Variants in MDN1 observed in about 807,000 individuals in gnomAD.
MDN1 encodes the protein midasin AAA ATPase 1.
MDN1 carries 266 observed loss-of-function variants against 669.2 expected under a neutral mutation model. That is an observed-to-expected ratio of 0.40 (90% CI 0.36 to 0.44). The LOEUF is 0.44. MDN1 is among the 20% of genes least tolerant of loss of function. The probability of loss-of-function intolerance (pLI) is 1.00; values close to 1 mark genes in which losing one functional copy is unlikely to be tolerated. For missense variants in MDN1, 5,940 were observed against 6,754.0 expected, an observed-to-expected ratio of 0.88 and a Z score of 4.22; for synonymous variants, 2,385 against 2,457.1, an observed-to-expected ratio of 0.97 and a Z score of 0.87.
At chr6:89,724,264 T>C (rs2128313930) in intron 38 of MDN1, among the ~76,000 whole-genome samples, 1 of 152,346 alleles carries the variant, frequency 6.6e-6, no homozygotes, top group East Asian at 1.9e-4. Context: ...TTTCCATATG[T>C]TTGAAAGTTT....
intron 21 of MDN1, among the ~76,000 whole-genome samples, chr6:89,753,854 G>A (rs779354486): frequency 1.3e-5 from 2 of 152,008 alleles, no homozygotes; most frequent in Non-Finnish European, 2.9e-5. Flanking sequence ...TTCGAGACCA[G>A]AGTGGGAACA....
chr6:89,812,065 A>G (rs1228040491), intron 1 of MDN1, among the ~76,000 whole-genome samples: 5 of 150,930 alleles, frequency 3.3e-5, no homozygotes, highest in Non-Finnish European at 5.9e-5. Context: ...CGGTTCATGC[A>G]ACCTCCGCCT....
intron 22 of MDN1, 102 bp from the exon 23 acceptor site, chr6:89,751,684 T>C: frequency 1.6e-6 from 2 of 1,223,850 alleles, no homozygotes; most frequent in Non-Finnish European, 2.3e-6. Flanking sequence ...GCTGTCTTGT[T>C]CTGCATACTT....
At chr6:89,664,745 A>C (rs1433311062) in intron 84 of MDN1, 117 bp from the exon 85 acceptor site, 1 of 777,984 alleles carries the variant, frequency 1.3e-6, no homozygotes, top group Non-Finnish European at 2.0e-6. Flanking sequence ...GGAAAAAAAA[A>C]GAGAAACAAC....
chr6:89,771,582 T>A lies in MDN1; in HGVS notation c.2123A>T (p.Asp708Val). 6.2e-7 allele frequency: 1 copy of A among 1,614,042 alleles called. No homozygotes were observed. The highest frequency in any genetic ancestry group is 1.1e-5 in the South Asian group (1 of 91,036). ...LRVVNMNQQS[D>V]TADLLGGYKP... The stretch of plus-strand genomic sequence containing the variant: ...TTACCCTCCAAGCAAGTCTGCAGTA[T>A]CACTTTGTTGATTCATATTGACAAC... Residue 708 changes from aspartate to valine, a missense_variant, in exon 15 of 102, where the codon GAT (aspartate) becomes GTT (valine). By Grantham distance (152) the Asp-to-Val change is radical. Coordinates refer to ENST00000369393, the MANE Select transcript of MDN1 (RefSeq NM_014611.3).
At chr6:89,661,753 T>G (rs898777419) in intron 87 of MDN1, among the ~76,000 whole-genome samples, 175 bp from the exon 88 acceptor site, 1 of 152,214 alleles carries the variant, frequency 6.6e-6, no homozygotes, top group East Asian at 1.9e-4. Flanking sequence ...TGTTGGAATC[T>G]CAGATTTCAC....
At chr6:89,774,348 G>C (rs1031519609) in intron 13 of MDN1, among the ~76,000 whole-genome samples, 1 of 152,162 alleles carries the variant, frequency 6.6e-6, no homozygotes, top group South Asian at 2.1e-4. Context: ...ACTTCCAACT[G>C]AGGCATACTT....
chr6:89,645,285 A>G, intron 100 of MDN1, 128 bp from the exon 101 acceptor site: 1 of 999,442 alleles, frequency 1.0e-6, no homozygotes, highest in East Asian at 2.5e-5. Context: ...AGACCTCTAA[A>G]GCTGATGAAT....
At chr6:89,787,730 A>T (rs1253453059) in intron 8 of MDN1, 124 bp downstream of exon 8, 6 of 640,644 alleles carry the variant, frequency 9.4e-6, no homozygotes, top group Non-Finnish European at 1.3e-5. Context: ...TAGACCTGTT[A>T]TCACTTCCAA....
Position 89,771,731 on chromosome 6 carries a change from C to G in MDN1, c.2084-110G>C, listed in dbSNP as rs1035806370. The G allele has an allele frequency of 5.2e-6, 5 of 953,608 alleles. No individual in the cohort carries two copies. In the African/African-American group the frequency reaches 8.3e-5, roughly 16 times the overall value. 59.1% of individuals were successfully genotyped at this position (953,608 alleles called of 1,614,324 possible). Reference sequence around the variant, plus strand: ...TGGCATAGGGCTTTATTTTTTGAGACAGAGTCTTGTTCTGTCAACCAGGGT... The same window carrying G: ...TGGCATAGGGCTTTATTTTTTGAGAGAGAGTCTTGTTCTGTCAACCAGGGT... On this transcript the variant is annotated intron_variant, in intron 14 of 101. Coordinates refer to ENST00000369393, the MANE Select transcript of MDN1 (RefSeq NM_014611.3).
chr6:89,784,926 G>T, intron 9 of MDN1, 86 bp downstream of exon 9: 1 of 847,690 alleles, frequency 1.2e-6, no homozygotes, highest in Non-Finnish European at 1.9e-6. Context: ...GTTGATGAGG[G>T]TTCTGGTGGT....
At chr6:89,701,492 A>G in intron 55 of MDN1, 66 bp downstream of exon 55, 21 of 1,579,332 alleles carry the variant, frequency 1.3e-5, no homozygotes, top group Non-Finnish European at 1.7e-5. Context: ...TCAGTTCCCA[A>G]GTTCCAAAAG....
chr6:89,728,898 TA>T (rs745996337), intron 36 of MDN1, 32 bp downstream of exon 36: 1 of 1,580,622 alleles, frequency 6.3e-7, no homozygotes, highest in East Asian at 2.2e-5. Flanking sequence ...TATCTATAGC[TA>T]TCTCCATCAG....
Position 89,692,659 on chromosome 6 carries a change from G to A in MDN1, c.10371C>T (p.Asp3457=), listed in dbSNP as rs756631599. The change falls in exon 63 of 102, where the codon GAC becomes GAT. Residue 3457 remains aspartate, a synonymous_variant. Transcript: ENST00000369393. ...PTFPTYYAHA[D]TLCSVKSEEV... is the part of the protein sequence containing the mutation. ...CCTCAGACTTCACCGAGCACAAAGT[G>A]TCTGCATGAGCATAGTAAGTCGGGA... 5.6e-6 allele frequency: 9 copies of A among 1,614,234 alleles called. No homozygotes were observed. In the South Asian group the frequency reaches 7.7e-5, roughly 14 times the overall value.
rs770010210 is a variant in MDN1 at position 89,678,646 on chromosome 6, T to C, written c.12365A>G (p.Gln4122Arg). The change falls in exon 75 of 102, where the codon CAA becomes CGA. Residue 4122 changes from glutamine to arginine, a missense_variant. Physicochemically the swap from Gln to Arg is conservative, Grantham distance 43. Coordinates refer to ENST00000369393, the MANE Select transcript of MDN1 (RefSeq NM_014611.3). ...QRSEAKHILM[Q>R]KQRALSDLFK... The stretch of plus-strand genomic sequence containing the variant: ...GAGGTCTGACAAAGCTCGCTGTTTT[T>C]GCATGAGAATGTGCTTGGCTTCTGA... The C allele has an allele frequency of 6.2e-7, 1 of 1,614,196 alleles. No individual in the cohort carries two copies. Among genetic ancestry groups the C allele is most frequent in the South Asian group, 1.1e-5 (1 of 91,080 alleles).
intron 55 of MDN1, among the ~76,000 whole-genome samples, chr6:89,701,307 G>C (rs1428942505): frequency 6.6e-6 from 1 of 152,166 alleles, no homozygotes; most frequent in African/African-American, 2.4e-5. Context: ...AAGTAATTTA[G>C]AGATGATATA....
chr6:89,683,128 G>A lies in MDN1; in HGVS notation c.12102+4C>T. The A allele has an allele frequency of 6.2e-7, 1 of 1,613,904 alleles. No homozygotes were observed. Among genetic ancestry groups the A allele is most frequent in the Non-Finnish European group, 8.5e-7 (1 of 1,179,960 alleles). On this transcript the variant is annotated splice_donor_region_variant and intron_variant, in intron 73 of 101. Coordinates refer to ENST00000369393, the MANE Select transcript of MDN1 (RefSeq NM_014611.3). ...TAAGCCAGCACTGTCCCACAACCAAGTACCTGCCCAGCTGCTGGTTGGGCT... is the reference window on the plus strand; with the variant it reads ...TAAGCCAGCACTGTCCCACAACCAAATACCTGCCCAGCTGCTGGTTGGGCT...
intron 1 of MDN1, among the ~76,000 whole-genome samples, chr6:89,818,909 T>A (rs904668733): frequency 6.6e-6 from 1 of 152,172 alleles, no homozygotes; most frequent in Non-Finnish European, 1.5e-5. Context: ...ATTAACCTTA[T>A]AATTTGTATA....
Position 89,650,069 on chromosome 6 carries a change from C to T in MDN1, c.16161G>A (p.Leu5387=). The T allele has an allele frequency of 6.2e-7, 1 of 1,614,076 alleles. No homozygotes were observed. The highest frequency in any genetic ancestry group is 2.2e-5 in the East Asian group (1 of 44,872). ...KPSKRQYQIC[L]AIDDSSSMVD... ...CCATACTAGAAGAGTCATCGATAGC[C>T]AAACAAATCTGATACTGGCGTTTAC... is the stretch of plus-strand genomic sequence containing the variant. Residue 5387 remains leucine, a synonymous_variant, in exon 97 of 102, where the codon TTG becomes TTA. Transcript: ENST00000369393.
Sources: allele counts gnomAD v4.1 joint callset (sites outside exome capture counted in the v4.1 genomes callset), GRCh38; gene constraint gnomAD v4.1.1; transcripts MANE v1.5; gene names NCBI Gene and HGNC (gene_info 2026-07-23, HGNC 2026-07-21).